KIAA1671: variants seen among roughly 807,000 people sequenced by gnomAD.
The protein encoded by KIAA1671 is KIAA1671.
A neutral mutation model predicts 131.2 loss-of-function variants in KIAA1671; 52 were observed. The observed-to-expected ratio is 0.40, with a 90% CI of 0.32 to 0.50. The LOEUF (loss-of-function observed/expected upper bound fraction) is 0.50. Among genes scored for constraint, KIAA1671 ranks in the 20% least tolerant of loss-of-function variants. The pLI is 0.73. For synonymous variants in KIAA1671, 1,003 were observed against 961.6 expected, an observed-to-expected ratio of 1.04 and a Z score of -0.80; for missense variants, 2,360 against 2,364.2, an observed-to-expected ratio of 1.00 and a Z score of 0.04.
chr22:25,079,621 G>A (rs1489810507), intron 6 of KIAA1671, among the ~76,000 whole-genome samples: 7 of 152,174 alleles, frequency 4.6e-5, no homozygotes, highest in African/African-American at 9.7e-5. Flanking sequence ...GGAATAGTCA[G>A]TGCAAAGGCT....
chr22:25,043,215 C>A (rs2145810936), intron 5 of KIAA1671, among the ~76,000 whole-genome samples: 1 of 152,162 alleles, frequency 6.6e-6, no homozygotes, highest in East Asian at 1.9e-4. Context: ...AAATAAGCCA[C>A]TTTGTTTTTA....
chr22:25,040,094 A>T lies in KIAA1671; in HGVS notation c.2964A>T (p.Arg988Ser). The part of the protein sequence containing the change: ...DYVSPTASAL[R>S]KPQLSHYRVE... ...TGAGCCCCACAGCCAGTGCCTTAAG[A>T]AAACCTCAACTATCCCACTACAGGG... is the stretch of plus-strand genomic sequence containing the variant. Residue 988 changes from arginine to serine, a missense_variant, in exon 5 of 13, where the codon AGA becomes AGT. Physicochemically the swap from Arg to Ser is moderately radical, Grantham distance 110. This residue lies in a region of KIAA1671 where 1,161 missense variants were observed against 1,204.7 expected (regional missense o/e 0.96). Transcript: ENST00000358431. 1 of 1,551,714 alleles carries T rather than the reference A, an allele frequency of 6.4e-7. No individual in the cohort carries two copies. The highest frequency in any genetic ancestry group is 8.7e-7 in the Non-Finnish European group (1 of 1,147,002).
At chr22:25,165,787 A>G in intron 6 of KIAA1671, among the ~76,000 whole-genome samples, 1 of 151,994 alleles carries the variant, frequency 6.6e-6, no homozygotes, top group Middle Eastern at 3.2e-3. Context: ...CTGAATGGTA[A>G]CTTGGAGGTG....
intron 6 of KIAA1671, among the ~76,000 whole-genome samples, chr22:25,084,580 A>G (rs555551448): frequency 6.7e-6 from 1 of 148,906 alleles, no homozygotes; most frequent in Non-Finnish European, 1.5e-5. Flanking sequence ...CCTCCAGGCC[A>G]GTTATCAGTT....
intron 4 of KIAA1671, among the ~76,000 whole-genome samples, chr22:25,033,567 TGTTTTC>T (rs1926405744): frequency 5.8e-5 from 8 of 138,704 alleles, no homozygotes; most frequent in African/African-American, 1.6e-4. Context: ...TTGGTTGGTT[TGTTTTC>T]GTTTTTTTTT....
chr22:25,001,377 G>A (rs563182099), intron 1 of KIAA1671, among the ~76,000 whole-genome samples: 2 of 152,152 alleles, frequency 1.3e-5, no homozygotes, highest in South Asian at 4.2e-4. Flanking sequence ...TTTTCTTTAA[G>A]ATCAATCTAT....
intron 1 of KIAA1671, among the ~76,000 whole-genome samples, chr22:24,981,104 T>C (rs1923214433): frequency 6.6e-6 from 1 of 151,874 alleles, no homozygotes; most frequent in African/African-American, 2.4e-5. Context: ...ACTGTATCTA[T>C]TCTTATGGGT....
intron 1 of KIAA1671, among the ~76,000 whole-genome samples, chr22:24,989,202 C>G (rs1923707577): frequency 6.6e-6 from 1 of 152,216 alleles, no homozygotes; most frequent in Non-Finnish European, 1.5e-5. Flanking sequence ...CTCTTGGTCC[C>G]CACTGTCACT....
intron 6 of KIAA1671, chr22:25,056,540 C>G (rs1361518173): frequency 1.3e-5 from 2 of 148,682 alleles, no homozygotes; most frequent in Non-Finnish European, 3.0e-5. Context: ...GTGAAGTGGC[C>G]GGGCGCAGTG....
intron 10 of KIAA1671, among the ~76,000 whole-genome samples, chr22:25,182,110 C>G (rs5996849): frequency 6.6e-6 from 1 of 151,484 alleles, no homozygotes; most frequent in Admixed American, 6.6e-5. Context: ...ACCTGGGAGG[C>G]GGAGCTTGCA....
At chr22:25,168,417 G>C (rs1004223063) in intron 6 of KIAA1671, among the ~76,000 whole-genome samples, 9 of 152,244 alleles carry the variant, frequency 5.9e-5, no homozygotes, top group African/African-American at 2.2e-4. Context: ...AGGGTATACA[G>C]TGGTGGCTCA....
At chr22:25,162,225 G>A (rs1376109968) in intron 6 of KIAA1671, among the ~76,000 whole-genome samples, 1 of 152,204 alleles carries the variant, frequency 6.6e-6, no homozygotes, top group African/African-American at 2.4e-5. Context: ...GCTTGGCCAT[G>A]GTACTGGTCT....
intron 9 of KIAA1671, among the ~76,000 whole-genome samples, chr22:25,181,030 G>A (rs1934252611): frequency 6.6e-6 from 1 of 152,140 alleles, no homozygotes; most frequent in Non-Finnish European, 1.5e-5. Context: ...AGTTCCTCGG[G>A]TAGCCCAAGG....
intron 6 of KIAA1671, among the ~76,000 whole-genome samples, chr22:25,114,928 T>C (rs1428869442): frequency 6.6e-6 from 1 of 152,214 alleles, no homozygotes; most frequent in Non-Finnish European, 1.5e-5. Flanking sequence ...ATCTAAATAA[T>C]CCATTCATTT....
chr22:25,177,081 C>G, intron 8 of KIAA1671: 1 of 426,004 alleles, frequency 2.3e-6, no homozygotes, highest in East Asian at 3.6e-5. Flanking sequence ...TATGTGCCTA[C>G]TGGGTGCCAG....
intron 1 of KIAA1671, chr22:25,013,535 A>G (rs1294614952): frequency 6.6e-6 from 1 of 152,214 alleles, no homozygotes; most frequent in Non-Finnish European, 1.5e-5. Context: ...TTGTACTTGG[A>G]GGGAATTATT....
intron 1 of KIAA1671, among the ~76,000 whole-genome samples, chr22:25,000,609 T>C (rs1024201606): frequency 1.3e-5 from 2 of 150,790 alleles, no homozygotes; most frequent in Non-Finnish European, 3.0e-5. Flanking sequence ...CTCTGCCTCC[T>C]GGGTTCAAAC....
At chr22:25,032,555 TG>T in intron 3 of KIAA1671, 53 bp from the exon 4 acceptor site, 16 of 1,167,022 alleles carry the variant, frequency 1.4e-5, no homozygotes, top group East Asian at 2.6e-5. Context: ...GTGTGTGGGC[TG>T]GGGGGAATAA....
chr22:25,086,573 G>A (rs1189894821), intron 6 of KIAA1671, among the ~76,000 whole-genome samples: 3 of 152,216 alleles, frequency 2.0e-5, no homozygotes, highest in Non-Finnish European at 4.4e-5. Flanking sequence ...CTTTGTAGGA[G>A]CATCCATCTG....
Sources: allele counts gnomAD v4.1 joint callset (sites outside exome capture counted in the v4.1 genomes callset), GRCh38; gene constraint gnomAD v4.1.1; regional missense constraint gnomAD v4.1.1; transcripts MANE v1.5; gene names NCBI Gene and HGNC (gene_info 2026-07-23, HGNC 2026-07-21).